ORC3: variants seen among roughly 807,000 people sequenced by gnomAD.
ORC3 encodes the protein homolog of latheo, Drosophila.
ORC3 carries 78 observed loss-of-function variants against 100.7 expected under a neutral mutation model. That is an observed-to-expected ratio of 0.77 (90% CI 0.65 to 0.94). The LOEUF (loss-of-function observed/expected upper bound fraction) is 0.94. Ranked by LOEUF, ORC3 falls within the 40% of genes least tolerant of loss-of-function variation. ORC3 has a pLI of 0.00. For missense variants in ORC3, 789 were observed against 823.9 expected, an observed-to-expected ratio of 0.96 and a Z score of 0.52; for synonymous variants, 295 against 289.3, an observed-to-expected ratio of 1.02 and a Z score of -0.20.
At position 87,594,384 on chromosome 6, in the gene ORC3, A is replaced by G; in HGVS notation, c.56A>G (p.Lys19Arg). ...TTTGTTTTTAAGCCAAACTCCAAAA[A>G]GAGAAAGATCTCTCTGCCAATAGGT... ...GCFVFKPNSKKRKISLPIEDY... is the reference protein window; with the variant it reads ...GCFVFKPNSKRRKISLPIEDY... Residue 19 changes from lysine (K) to arginine (R), a missense_variant, in exon 2 of 20, where the codon AAG becomes AGG. This residue lies in a region of ORC3 where 399 missense variants were observed against 382.0 expected (regional missense o/e 1.04). Coordinates refer to ENST00000392844, the MANE Select transcript of ORC3 (RefSeq NM_012381.4). The G allele has an allele frequency of 6.3e-7, 1 of 1,584,638 alleles. No homozygotes were observed. The highest frequency in any genetic ancestry group is 8.6e-7 in the Non-Finnish European group (1 of 1,159,844).
chr6:87,659,742 C>T (rs954260949), intron 16 of ORC3, among the ~76,000 whole-genome samples: 2 of 151,976 alleles, frequency 1.3e-5, no homozygotes, highest in Non-Finnish European at 2.9e-5. Flanking sequence ...AATAGCTGGG[C>T]ATGGTGGCGC....
chr6:87,670,526 T>C (rs1770811779), downstream of ORC3, among the ~76,000 whole-genome samples: 1 of 152,016 alleles, frequency 6.6e-6, no homozygotes, highest in African/African-American at 2.4e-5. Flanking sequence ...AACATGAAGC[T>C]CCTTTGTGGT....
chr6:87,597,966 TATC>T (rs1488420641), intron 2 of ORC3, among the ~76,000 whole-genome samples: 2 of 152,234 alleles, frequency 1.3e-5, no homozygotes, highest in African/African-American at 2.4e-5. Context: ...TGACATCTAA[TATC>T]ATCACCAATG....
intron 13 of ORC3, chr6:87,651,464 A>G (rs1171139824): frequency 9.4e-6 from 3 of 317,494 alleles, no homozygotes; most frequent in African/African-American, 4.3e-5. Context: ...TATCTGGGCA[A>G]TAGAAAGCCA....
chr6:87,646,325 A>T (rs1412015090), intron 13 of ORC3, among the ~76,000 whole-genome samples: 1 of 149,362 alleles, frequency 6.7e-6, no homozygotes, highest in East Asian at 2.0e-4. Flanking sequence ...TGGGATAAAG[A>T]TAAATCGCTC....
At chr6:87,594,569 C>T (rs1777289510) in intron 2 of ORC3, 162 bp downstream of exon 2, 3 of 1,280,526 alleles carry the variant, frequency 2.3e-6, no homozygotes, top group Non-Finnish European at 3.0e-6. Context: ...AAGAGGACAC[C>T]CCAGGGCTCT....
At chr6:87,648,648 C>T (rs1408092032) in intron 13 of ORC3, among the ~76,000 whole-genome samples, 3 of 151,866 alleles carry the variant, frequency 2.0e-5, no homozygotes, top group Non-Finnish European at 4.4e-5. Flanking sequence ...TCATCTCTAA[C>T]ATGGGAATAA....
At chr6:87,664,591 G>C (rs567606943) in intron 17 of ORC3, 152 bp from the exon 18 acceptor site, 3 of 615,022 alleles carry the variant, frequency 4.9e-6, no homozygotes, top group East Asian at 5.7e-5. Context: ...ACAAGAACTA[G>C]CTAACTATTG....
intron 13 of ORC3, among the ~76,000 whole-genome samples, chr6:87,648,357 A>G (rs1487161605): frequency 3.9e-5 from 6 of 152,244 alleles, no homozygotes; most frequent in Non-Finnish European, 7.3e-5. Context: ...TTTGCACTTC[A>G]GATATTTTTC....
intron 14 of ORC3, among the ~76,000 whole-genome samples, chr6:87,653,673 T>C (rs1769449066): frequency 6.6e-6 from 1 of 152,220 alleles, no homozygotes; most frequent in South Asian, 2.1e-4. Context: ...GAAAAATTAA[T>C]AGCTATGAAC....
intron 5 of ORC3, among the ~76,000 whole-genome samples, chr6:87,607,379 C>T (rs1015461147): frequency 2.1e-4 from 32 of 151,560 alleles, no homozygotes; most frequent in African/African-American, 6.3e-4. Flanking sequence ...TGTATTGAGC[C>T]GAGATCCTGC....
At chr6:87,647,626 A>T (rs1269432889) in intron 13 of ORC3, among the ~76,000 whole-genome samples, 1 of 152,212 alleles carries the variant, frequency 6.6e-6, no homozygotes, top group African/African-American at 2.4e-5. Flanking sequence ...TCCCACTAGA[A>T]TGTAAGTTCC....
At position 87,655,120 on chromosome 6, in the gene ORC3, C is replaced by T. The variant is rs549994596; in HGVS notation, c.1517-1786C>T. ...GCTATATGCTATCTGTGTTCCTTAA[C>T]ATTTATTACATATTACAGTTTGGGT... On this transcript the variant is annotated intron_variant, in intron 14 of 19. Coordinates refer to ENST00000392844, the MANE Select transcript of ORC3 (RefSeq NM_012381.4). 9.8e-5 allele frequency among the ~76,000 whole-genome samples: 15 copies of T among 152,290 alleles called. No homozygotes were observed. In the South Asian group the frequency reaches 2.3e-3, roughly 23 times the overall value.
At chr6:87,630,954 T>C (rs1487674715) in intron 11 of ORC3, among the ~76,000 whole-genome samples, 1 of 152,062 alleles carries the variant, frequency 6.6e-6, no homozygotes, top group Non-Finnish European at 1.5e-5. Flanking sequence ...TGCTGCAGCC[T>C]TGACTTTCTG....
intron 1 of ORC3, among the ~76,000 whole-genome samples, chr6:87,592,530 G>A (rs563406960): frequency 8.9e-4 from 136 of 152,310 alleles, no homozygotes; most frequent in South Asian, 8.7e-3. Context: ...TCAGGAGGCT[G>A]AGGCAGGAGA....
Position 87,640,083 on chromosome 6 carries a change from G to A in ORC3, c.1382+3597G>A, listed in dbSNP as rs141735783. Reference sequence around the variant, plus strand: ...CAAACCCCAGTGTGTCACGCCTCATGCCTTTTCTTTAGTGGTGGGAAACCC... The same window carrying A: ...CAAACCCCAGTGTGTCACGCCTCATACCTTTTCTTTAGTGGTGGGAAACCC... On this transcript the variant is annotated intron_variant, in intron 13 of 19. Coordinates refer to ENST00000392844, the MANE Select transcript of ORC3 (RefSeq NM_012381.4). Among the ~76,000 whole-genome samples the A allele has an allele frequency of 5.8e-3, 875 of 152,168 alleles. 9 individuals carry two copies. The highest frequency in any genetic ancestry group is 0.02 in the African/African-American group (811 of 41,504).
chr6:87,677,600 T>C, the ORC3 span, among the ~76,000 whole-genome samples: 2 of 145,228 alleles, frequency 1.4e-5, no homozygotes, highest in Non-Finnish European at 3.1e-5. Context: ...TACCTACTAA[T>C]ATTACTGCTG....
chr6:87,651,945 C>A (rs1265601914), intron 13 of ORC3, among the ~76,000 whole-genome samples: 16 of 150,670 alleles, frequency 1.1e-4, no homozygotes, highest in African/African-American at 3.9e-4. Flanking sequence ...GTTGCCCAGG[C>A]TGGAGTGCAG....
Position 87,667,067 on chromosome 6 carries a change from A to T in ORC3, c.2080A>T (p.Lys694Ter). The change falls in exon 20 of 20, where the codon AAA becomes TAA. Residue 694 changes from lysine to a stop codon, truncating the protein, a stop_gained. Coordinates refer to ENST00000392844, the MANE Select transcript of ORC3 (RefSeq NM_012381.4). LOFTEE classifies it high-confidence loss of function. ...TGAACTAGAACTTTTAGGATTTATA[A>T]AACCTACCAAACAGAAGACTGACCA... ...VSELELLGFI[K>*]PTKQKTDHVA... The T allele has an allele frequency of 1.2e-6, 2 of 1,612,784 alleles. No individual in the cohort carries two copies. Among genetic ancestry groups the T allele is most frequent in the Non-Finnish European group, 1.7e-6 (2 of 1,179,582 alleles).
Sources: allele counts gnomAD v4.1 joint callset (sites outside exome capture counted in the v4.1 genomes callset), GRCh38; gene constraint gnomAD v4.1.1; regional missense constraint gnomAD v4.1.1; transcripts MANE v1.5; gene names NCBI Gene and HGNC (gene_info 2026-07-23, HGNC 2026-07-21).